The following PLEKHA5 variants were observed in gnomAD, a reference collection of about 807,000 sequenced individuals.
PLEKHA5 encodes the protein pleckstrin homology domain containing A5.
In PLEKHA5, 55 loss-of-function variants were observed where a neutral mutation model predicts 181.9. The ratio of observed to expected loss-of-function variants is 0.30; its 90% confidence interval spans 0.24 to 0.38. The LOEUF (loss-of-function observed/expected upper bound fraction) is 0.38. Ranked by LOEUF, PLEKHA5 falls within the 10% of genes least tolerant of loss-of-function variation. The pLI, the probability that PLEKHA5 is intolerant of heterozygous loss-of-function variation, is 1.00. For synonymous variants in PLEKHA5, 535 were observed against 529.4 expected (o/e 1.01, Z -0.15); for missense variants, 1,432 against 1,549.5 (o/e 0.92, Z 1.27).
At chr12:19,303,581 G>T (rs949468016) in intron 15 of PLEKHA5, 11 of 152,058 alleles carry the variant, frequency 7.2e-5, no homozygotes, top group African/African-American at 2.7e-4. Flanking sequence ...GCACTATGCC[G>T]ATCAGGTGTC....
intron 3 of PLEKHA5, among the ~76,000 whole-genome samples, chr12:19,148,088 G>A (rs559539998): frequency 1.3e-5 from 2 of 149,782 alleles, no homozygotes; most frequent in Non-Finnish European, 3.0e-5. Context: ...ACGGAGTCTC[G>A]TTCTGTTGCC....
intron 21 of PLEKHA5, among the ~76,000 whole-genome samples, chr12:19,337,316 G>T (rs372565205): frequency 1.3e-5 from 2 of 152,144 alleles, no homozygotes; most frequent in South Asian, 2.1e-4. Context: ...ACTTTCGGAG[G>T]CTGAAGTGGG....
chr12:19,168,465 C>T (rs1459576611), intron 3 of PLEKHA5, among the ~76,000 whole-genome samples: 2 of 151,498 alleles, frequency 1.3e-5, no homozygotes, highest in Admixed American at 6.6e-5. Flanking sequence ...CCACAAGACC[C>T]CAAATTGAAG....
intron 21 of PLEKHA5, among the ~76,000 whole-genome samples, chr12:19,342,640 G>A (rs2094026439): frequency 1.3e-5 from 2 of 151,960 alleles, no homozygotes; most frequent in South Asian, 4.1e-4. Flanking sequence ...AAAAATTATG[G>A]CATAGCACGT....
At chr12:19,308,463 A>C (rs2084972267) in intron 15 of PLEKHA5, among the ~76,000 whole-genome samples, 1 of 152,220 alleles carries the variant, frequency 6.6e-6, no homozygotes, top group African/African-American at 2.4e-5. Flanking sequence ...CTGATGGTGT[A>C]ACCCGTTTTA....
chr12:19,343,727 C>T (rs1156329657), intron 22 of PLEKHA5, among the ~76,000 whole-genome samples: 1 of 152,142 alleles, frequency 6.6e-6, no homozygotes, highest in Non-Finnish European at 1.5e-5. Flanking sequence ...GTGTTACACT[C>T]TGACATGAGG....
chr12:19,230,960 A>G (rs2060451687), intron 3 of PLEKHA5, among the ~76,000 whole-genome samples: 1 of 152,142 alleles, frequency 6.6e-6, no homozygotes, highest in Admixed American at 6.5e-5. Context: ...CTTTTTCAGG[A>G]CCTTTCATTG....
At chr12:19,137,602 A>C (rs923581422) in intron 3 of PLEKHA5, among the ~76,000 whole-genome samples, 1 of 152,220 alleles carries the variant, frequency 6.6e-6, no homozygotes, top group African/African-American at 2.4e-5. Context: ...TGGGGAACAT[A>C]GACTTATTTA....
chr12:19,269,983 C>T (rs1485282575), intron 9 of PLEKHA5, 98 bp downstream of exon 9: 1 of 675,372 alleles, frequency 1.5e-6, no homozygotes. Context: ...TTTTAATAGT[C>T]ATGGTATGAA....
intron 15 of PLEKHA5, among the ~76,000 whole-genome samples, chr12:19,308,558 A>G (rs542855726): frequency 5.3e-5 from 8 of 152,286 alleles, no homozygotes; most frequent in Non-Finnish European, 1.0e-4. Flanking sequence ...AATTTCCTTT[A>G]CTAAGTTCAC....
intron 3 of PLEKHA5, among the ~76,000 whole-genome samples, chr12:19,171,537 C>A (rs1014897925): frequency 4.6e-5 from 7 of 151,968 alleles, no homozygotes; most frequent in Non-Finnish European, 1.0e-4. Context: ...GGCGGTACCT[C>A]GGCAGAGACA....
intron 3 of PLEKHA5, among the ~76,000 whole-genome samples, chr12:19,163,992 C>T (rs185228751): frequency 4.4e-4 from 67 of 152,242 alleles, no homozygotes; most frequent in African/African-American, 1.6e-3. Flanking sequence ...TCTTCTCTCT[C>T]AAGAAATTTT....
intron 12 of PLEKHA5, among the ~76,000 whole-genome samples, 168 bp downstream of exon 12, chr12:19,283,913 C>T (rs183734807): frequency 1.3e-3 from 204 of 152,276 alleles, no homozygotes; most frequent in African/African-American, 4.6e-3. Context: ...ATTAAGATCT[C>T]ATGTATAAAA....
intron 10 of PLEKHA5, among the ~76,000 whole-genome samples, chr12:19,274,292 A>G (rs1476636733): frequency 6.6e-6 from 1 of 152,094 alleles, no homozygotes; most frequent in Non-Finnish European, 1.5e-5. Flanking sequence ...TTTACGCTCT[A>G]GTTCTTTATG....
chr12:19,237,107 T>C (rs2061519552), intron 3 of PLEKHA5: 1 of 152,206 alleles, frequency 6.6e-6, no homozygotes, highest in Non-Finnish European at 1.5e-5. Flanking sequence ...GTCCTTTTCC[T>C]CAGTTAATGA....
chr12:19,270,686 AT>A (rs1264274736), intron 10 of PLEKHA5, among the ~76,000 whole-genome samples: 2 of 152,186 alleles, frequency 1.3e-5, no homozygotes, highest in African/African-American at 4.8e-5. Flanking sequence ...TTTTTAAAAA[AT>A]ATATATTCCT....
chr12:19,322,447 G>A lies in PLEKHA5; in HGVS notation c.2298+57G>A, dbSNP rs2091105381. 4 of 1,568,378 alleles carry A rather than the reference G, an allele frequency of 2.6e-6. No individual in the cohort carries two copies. In the African/African-American group the frequency reaches 5.4e-5, roughly 21 times the overall value. On this transcript the variant is annotated intron_variant, in intron 19 of 31. Coordinates refer to ENST00000429027, the MANE Select transcript of PLEKHA5 (RefSeq NM_001256470.2). ...ATGTTACTTAATATGATTATTATCA[G>A]GACACTGATAAGTAAAAAGAATTAA...
chr12:19,208,398 A>G (rs1423483565), intron 3 of PLEKHA5, among the ~76,000 whole-genome samples: 3 of 94,046 alleles, frequency 3.2e-5, no homozygotes, highest in African/African-American at 9.2e-5. Context: ...CAGAGCAAAA[A>G]CTCTGTCTCA....
intron 3 of PLEKHA5, among the ~76,000 whole-genome samples, chr12:19,192,447 C>CA (rs2051369010): frequency 6.6e-6 from 1 of 152,144 alleles, no homozygotes; most frequent in Non-Finnish European, 1.5e-5. Context: ...CCTATAATCC[C>CA]AGCACTTTGG....
Sources: allele counts gnomAD v4.1 joint callset (sites outside exome capture counted in the v4.1 genomes callset), GRCh38; gene constraint gnomAD v4.1.1; transcripts MANE v1.5; gene names NCBI Gene and HGNC (gene_info 2026-07-23, HGNC 2026-07-21).